Variants in ZNF385A observed in about 807,000 individuals in gnomAD.
The protein encoded by ZNF385A is zinc finger protein 385A.
Under a neutral mutation model 32.1 loss-of-function variants are expected in ZNF385A, and 14 were observed. That is an observed-to-expected ratio of 0.44 (90% CI 0.29 to 0.68). The LOEUF (loss-of-function observed/expected upper bound fraction) is 0.68. Among genes scored for constraint, ZNF385A ranks in the 30% least tolerant of loss-of-function variants. ZNF385A has a pLI of 0.14. For synonymous variants in ZNF385A, 197 were observed against 202.7 expected (o/e 0.97, Z 0.24); for missense variants, 406 against 478.4 (o/e 0.85, Z 1.41).
chr12:54,386,912 CT>C (rs1335913419), upstream of ZNF385A, among the ~76,000 whole-genome samples: 4 of 152,194 alleles, frequency 2.6e-5, no homozygotes, highest in Non-Finnish European at 5.9e-5. Flanking sequence ...AATGAAGTAG[CT>C]GATAATATTT....
chr12:54,379,170 G>GC (rs534066322), intron 1 of ZNF385A: 99 of 981,032 alleles, frequency 1.0e-4, no homozygotes, highest in Middle Eastern at 5.2e-4. Flanking sequence ...GGCGCTCGTT[G>GC]CCCGGGCGGC....
intron 1 of ZNF385A, chr12:54,379,052 G>A (rs1238075706): frequency 9.1e-6 from 9 of 984,090 alleles, no homozygotes; most frequent in South Asian, 4.7e-5. Context: ...GAGAGGAGGG[G>A]CCGGGTGGCT....
Position 54,370,202 on chromosome 12 carries a change from G to T in ZNF385A, c.*54C>A, listed in dbSNP as rs1201947831. 1.5e-5 allele frequency: 20 copies of T among 1,342,000 alleles called. No individual in the cohort carries two copies. The highest frequency in any genetic ancestry group is 3.4e-5 in the Admixed American group (1 of 29,598). 83.1% of individuals were successfully genotyped at this position (1,342,000 alleles called of 1,614,324 possible). A position where few individuals can be genotyped will look rare whatever the true frequency, so the allele number is the denominator to read the frequency against. ...GGAGGGGCGGGCTGGGAGCCCGGAC[G>T]CCTGGGTCCCGGCTGGAGGTGGGGA... On this transcript the variant is annotated 3_prime_UTR_variant, in exon 7 of 7. Transcript: ENST00000394313. The surrounding 1 kb of genome is among the most constrained non-coding windows in gnomAD (Gnocchi z 5.5).
intron 1 of ZNF385A, chr12:54,379,273 GGGGACA>G (rs758049286): frequency 2.8e-4 from 242 of 854,638 alleles, no homozygotes; most frequent in Middle Eastern, 1.2e-3. Flanking sequence ...GGACGGGGGC[GGGGACA>G]GGGACAGGGA....
At chr12:54,388,944 A>G (rs1459423624), upstream of ZNF385A, among the ~76,000 whole-genome samples, 1 of 152,200 alleles carries the variant, frequency 6.6e-6, no homozygotes, top group Non-Finnish European at 1.5e-5. Context: ...GAGGGGGATG[A>G]TTATGAACAA....
intron 2 of ZNF385A, among the ~76,000 whole-genome samples, 183 bp downstream of exon 2, chr12:54,375,660 TC>T (rs1445671347): frequency 6.6e-6 from 1 of 152,180 alleles, no homozygotes; most frequent in African/African-American, 2.4e-5. Context: ...CTTGTGTCTC[TC>T]CAGTGCCTTC....
intron 4 of ZNF385A, 93 bp downstream of exon 4, chr12:54,371,380 G>C: frequency 6.6e-7 from 1 of 1,511,352 alleles, no homozygotes; most frequent in Non-Finnish European, 8.9e-7. Context: ...GTCTTAGATG[G>C]TCTAGGGATG....
In ZNF385A at chr12:54,373,985, C is replaced by T. The variant is rs1444920199; in HGVS notation, c.349G>A (p.Ala117Thr). ...GATTCAGACACACCTGGACGGGGTG[C>T]TACACCATCCCCATTTGTTGGGGTG... Reference protein sequence around the residue: ...GSTPTNGDGVAPRPVSMENGL... With the variant: ...GSTPTNGDGVTPRPVSMENGL... Residue 117 changes from alanine (A) to threonine (T), a missense_variant, in exon 3 of 7, where the codon GCA (alanine) becomes ACA (threonine). Ala to Thr is a moderately conservative substitution (Grantham distance 58). Transcript: ENST00000394313. 6.4e-7 allele frequency: 1 copy of T among 1,562,188 alleles called. No homozygotes were observed.
Position 54,371,815 on chromosome 12 carries a change from C to G in ZNF385A, c.362-100G>C, listed in dbSNP as rs1418704057. 3.9e-6 allele frequency: 6 copies of G among 1,537,032 alleles called. No individual in the cohort carries two copies. The African/African-American group carries it at 7.0e-5, about 18-fold the overall frequency. On this transcript the variant is annotated intron_variant, in intron 3 of 6. Coordinates refer to ENST00000394313, the MANE Select transcript of ZNF385A (RefSeq NM_015481.3). ...CCCCATTTCCTGGAGGGCAAGGGAC[C>G]AGGAGTCCCCACCCTGTTACAACAT...
chr12:54,389,388 C>A (rs1565633386), upstream of ZNF385A, among the ~76,000 whole-genome samples: 1 of 152,220 alleles, frequency 6.6e-6, no homozygotes, highest in Non-Finnish European at 1.5e-5. Flanking sequence ...CTCCCTCTCT[C>A]CTTCCTTCCT....
At position 54,370,868 on chromosome 12, in the gene ZNF385A, C is replaced by T. The variant is rs1954507849; in HGVS notation, c.774+59G>A. The T allele has an allele frequency of 4.3e-6, 7 of 1,612,556 alleles. No individual in the cohort carries two copies. Among genetic ancestry groups the T allele is most frequent in the Admixed American group, 1.7e-5 (1 of 59,972 alleles). On this transcript the variant is annotated intron_variant, in intron 5 of 6. Coordinates refer to ENST00000394313, the MANE Select transcript of ZNF385A (RefSeq NM_015481.3). The surrounding 1 kb of genome is among the most constrained non-coding windows in gnomAD (Gnocchi z 5.5). The stretch of plus-strand genomic sequence containing the variant: ...GGGCCTTTACTCAAGCTCCTTGCTC[C>T]CCTTCCCCACTTAGCGGGTGGAGCG...
Position 54,369,830 on chromosome 12 carries a change from T to G in ZNF385A, c.*426A>C. 5 of 154,438 alleles carry G rather than the reference T, an allele frequency of 3.2e-5. No individual in the cohort carries two copies. The highest frequency in any genetic ancestry group is 5.8e-5 in the Non-Finnish European group (4 of 69,462). 9.6% of individuals were successfully genotyped at this position (154,438 alleles called of 1,614,324 possible). On this transcript the variant is annotated 3_prime_UTR_variant, in exon 7 of 7. Transcript: ENST00000394313. ...GGGGGTGTTCACGGAAGCGCTTCAG[T>G]TTGGGGTAGGGAGCCGGAGTCCCAG...
At chr12:54,386,338 C>A (rs904082568), upstream of ZNF385A, among the ~76,000 whole-genome samples, 3 of 151,744 alleles carry the variant, frequency 2.0e-5, no homozygotes, top group African/African-American at 7.3e-5. Context: ...TGTCAGAGAG[C>A]GAAATCAGAC....
At position 54,369,184 on chromosome 12, in the gene ZNF385A, G is replaced by C. The variant is rs905053534; in HGVS notation, c.*1072C>G. The C allele has an allele frequency of 6.6e-6, 1 of 152,408 alleles. No individual in the cohort carries two copies. The highest frequency in any genetic ancestry group is 2.4e-5 in the African/African-American group (1 of 41,332). The allele number at this position is 152,408 out of a possible 1,614,324, so 9.4% of individuals were successfully genotyped here. ...TTATTGTCAGGGAGAGGAAAAAGGG[G>C]AGGACCGTGGGTGGGGGGCCTGGGT... On this transcript the variant is annotated 3_prime_UTR_variant, in exon 7 of 7. Coordinates refer to ENST00000394313, the MANE Select transcript of ZNF385A (RefSeq NM_015481.3).
At chr12:54,382,573 A>G (rs932014070) in intron 1 of ZNF385A, among the ~76,000 whole-genome samples, 2 of 152,202 alleles carry the variant, frequency 1.3e-5, no homozygotes, top group Non-Finnish European at 2.9e-5. Flanking sequence ...TGTTAAATGG[A>G]ATAATAATGT....
At chr12:54,379,416 G>A (rs887195806) in intron 1 of ZNF385A, among the ~76,000 whole-genome samples, 1 of 152,010 alleles carries the variant, frequency 6.6e-6, no homozygotes, top group Admixed American at 6.5e-5. Flanking sequence ...CGCGGCAGGG[G>A]CATTGACCAG....
At chr12:54,383,033 G>A (rs750128149) in intron 1 of ZNF385A, among the ~76,000 whole-genome samples, 18 of 151,802 alleles carry the variant, frequency 1.2e-4, no homozygotes, top group South Asian at 4.2e-4. Flanking sequence ...ATGGTGGTAC[G>A]TGCCTGTAAT....
In ZNF385A at chr12:54,370,834, T is replaced by A. The variant is rs2706248; in HGVS notation, c.774+93A>T. On this transcript the variant is annotated intron_variant, in intron 5 of 6. Transcript: ENST00000394313. The surrounding 1 kb of genome is among the most constrained non-coding windows in gnomAD (Gnocchi z 5.5). ...TCCCATCTGGCCCCCTGGGGAAAAC[T>A]CTGAAGAAGGGCCTTTACTCAAGCT... 2 of 1,604,070 alleles carry A rather than the reference T, an allele frequency of 1.2e-6. No homozygotes were observed. Among genetic ancestry groups the A allele is most frequent in the East Asian group, 4.5e-5 (2 of 44,804 alleles).
rs545274226 is a variant in ZNF385A at position 54,382,842 on chromosome 12, TAAAAA to T, written c.87+1581_87+1585del. Among the ~76,000 whole-genome samples, 718 of 151,380 alleles carry T rather than the reference TAAAAA, an allele frequency of 4.7e-3. 5 individuals are homozygous for T. Among genetic ancestry groups the T allele is most frequent in the African/African-American group, 0.016 (679 of 41,198 alleles). Reference sequence around the variant, plus strand: ...CCAAATCACCATATCCTTTTTTTTTTAAAAAAAATATTTATTATTATTTTTTAAAA... The same window carrying T: ...CCAAATCACCATATCCTTTTTTTTTTAAATATTTATTATTATTTTTTAAAA... On this transcript the variant is annotated intron_variant, in intron 1 of 6. Transcript: ENST00000394313.
Sources: gnomAD v4.1 joint callset for allele counts (sites outside exome capture counted in the v4.1 genomes callset) on GRCh38, gnomAD v4.1.1 for gene constraint, Gnocchi (gnomAD v3.1) non-coding constraint, MANE v1.5 for transcripts, NCBI Gene and HGNC (gene_info 2026-07-23, HGNC 2026-07-21) for gene names.